The following SYT1 variants were observed in gnomAD, a reference collection of about 807,000 sequenced individuals.
SYT1 encodes synaptotagmin 1, also known as synaptotagmin-1.
SYT1 carries 8 observed loss-of-function variants against 44.8 expected under a neutral mutation model. The observed-to-expected ratio is 0.18, with a 90% CI of 0.10 to 0.32. SYT1 has a LOEUF of 0.32. Ranked by LOEUF, SYT1 falls within the 10% of genes least tolerant of loss-of-function variation. The pLI is 1.00. For synonymous variants in SYT1, 154 were observed against 188.8 expected (o/e 0.82, Z 1.51); for missense variants, 286 against 509.3 (o/e 0.56, Z 4.22).
chr12:79,302,035 C>T (rs1880177574), intron 8 of SYT1, among the ~76,000 whole-genome samples: 1 of 152,152 alleles, frequency 6.6e-6, no homozygotes, highest in South Asian at 2.1e-4. Flanking sequence ...GATATCTGCT[C>T]TAACTTTTCA....
intron 2 of SYT1, among the ~76,000 whole-genome samples, chr12:78,988,344 T>G (rs1869796069): frequency 6.7e-6 from 1 of 149,640 alleles, no homozygotes; most frequent in Non-Finnish European, 1.5e-5. Flanking sequence ...TCAAGATACA[T>G]AGATATCTTG....
rs1565871302 is a variant in SYT1, at chr12:79,242,513, C to T, written c.166+24828C>T. On this transcript the variant is annotated intron_variant, in intron 4 of 10. Transcript: ENST00000261205. ...TAGCCACCATTGGCTGAGTATGCAC[C>T]TAGTAATATACAGAAAGAAATTAAG... Among the ~76,000 whole-genome samples, 5 of 152,196 alleles carry T rather than the reference C, an allele frequency of 3.3e-5. No homozygotes were observed. In the South Asian group the frequency reaches 8.3e-4, roughly 25 times the overall value.
intron 3 of SYT1, among the ~76,000 whole-genome samples, chr12:79,051,992 G>C (rs1477367193): frequency 6.6e-6 from 1 of 152,044 alleles, no homozygotes; most frequent in Non-Finnish European, 1.5e-5. Context: ...TTTGGCTTAG[G>C]ATTGACTTGG....
intron 4 of SYT1, among the ~76,000 whole-genome samples, chr12:79,243,890 CAGGAAGGA>C (rs747503299): frequency 3.4e-5 from 5 of 148,602 alleles, no homozygotes; most frequent in Admixed American, 1.3e-4. Flanking sequence ...GGAAGGAAGG[CAGGAAGGA>C]AGGAAGGAAG....
At chr12:79,348,842 A>G (rs1882718953) in intron 8 of SYT1, among the ~76,000 whole-genome samples, 1 of 151,294 alleles carries the variant, frequency 6.6e-6, no homozygotes, top group African/African-American at 2.4e-5. Context: ...TGGTGCTCAT[A>G]TTGACATGGA....
chr12:79,123,265 C>T (rs1175809480), intron 3 of SYT1, among the ~76,000 whole-genome samples: 1 of 150,784 alleles, frequency 6.6e-6, no homozygotes, highest in Non-Finnish European at 1.5e-5. Context: ...ATCAATGGGT[C>T]CAGTACTCGG....
At chr12:79,192,912 A>G (rs1198962539) in intron 3 of SYT1, among the ~76,000 whole-genome samples, 1 of 152,126 alleles carries the variant, frequency 6.6e-6, no homozygotes, top group Non-Finnish European at 1.5e-5. Flanking sequence ...GCTTCTCACA[A>G]ATGGATTCTC....
chr12:79,188,482 G>C (rs1017377401), intron 3 of SYT1, among the ~76,000 whole-genome samples: 3 of 152,114 alleles, frequency 2.0e-5, no homozygotes, highest in Non-Finnish European at 4.4e-5. Flanking sequence ...TCAGGACTTA[G>C]ATTGTTTTCA....
chr12:79,010,058 G>A (rs1367461717), intron 2 of SYT1, among the ~76,000 whole-genome samples: 1 of 152,002 alleles, frequency 6.6e-6, no homozygotes, highest in African/African-American at 2.4e-5. Context: ...GGTTTTATGG[G>A]TTTCTTGTTA....
At chr12:78,997,847 G>C (rs1870481916) in intron 2 of SYT1, among the ~76,000 whole-genome samples, 1 of 152,112 alleles carries the variant, frequency 6.6e-6, no homozygotes, top group Non-Finnish European at 1.5e-5. Flanking sequence ...GAGAACCACT[G>C]CTTCAAGGAA....
At chr12:78,987,531 C>T (rs1011375136) in intron 2 of SYT1, among the ~76,000 whole-genome samples, 1 of 152,090 alleles carries the variant, frequency 6.6e-6, no homozygotes, top group East Asian at 1.9e-4. Context: ...ACATCCTTAT[C>T]CCAGACAGGA....
intron 9 of SYT1, among the ~76,000 whole-genome samples, chr12:79,432,387 C>T (rs1043611683): frequency 3.3e-5 from 5 of 151,738 alleles, no homozygotes; most frequent in African/African-American, 1.2e-4. Flanking sequence ...CAAGAGGCCC[C>T]GGTGTGTGAT....
chr12:79,137,856 G>T (rs554603068), intron 3 of SYT1, among the ~76,000 whole-genome samples: 2 of 152,176 alleles, frequency 1.3e-5, no homozygotes, highest in African/African-American at 4.8e-5. Flanking sequence ...GCCTGCTTTT[G>T]TATTGACAGT....
chr12:79,245,273 G>A (rs964339100), intron 4 of SYT1, among the ~76,000 whole-genome samples: 3 of 144,912 alleles, frequency 2.1e-5, no homozygotes, highest in African/African-American at 7.8e-5. Context: ...TGACCATCCT[G>A]GCTAACACAC....
intron 9 of SYT1, among the ~76,000 whole-genome samples, chr12:79,425,208 C>T (rs1314402622): frequency 1.3e-5 from 2 of 152,012 alleles, no homozygotes; most frequent in Admixed American, 6.6e-5. Flanking sequence ...ACTGTCACTT[C>T]TTCTAAGGTA....
At chr12:79,065,284 T>C (rs1875756152) in intron 3 of SYT1, among the ~76,000 whole-genome samples, 1 of 152,066 alleles carries the variant, frequency 6.6e-6, no homozygotes, top group Admixed American at 6.6e-5. Flanking sequence ...CTAGGGAAGC[T>C]GAAGTGGGAG....
At chr12:78,942,128 A>G (rs1278295311) in intron 1 of SYT1, among the ~76,000 whole-genome samples, 1 of 152,226 alleles carries the variant, frequency 6.6e-6, no homozygotes, top group Non-Finnish European at 1.5e-5. Flanking sequence ...AGGTCCAAAG[A>G]AAAGAATTAA....
At chr12:79,162,704 C>T (rs1489070564) in intron 3 of SYT1, among the ~76,000 whole-genome samples, 3 of 152,118 alleles carry the variant, frequency 2.0e-5, no homozygotes, top group African/African-American at 2.4e-5. Flanking sequence ...TATTTTTTCA[C>T]ATTAACTGCC....
intron 1 of SYT1, among the ~76,000 whole-genome samples, chr12:78,955,753 A>T (rs1384665835): frequency 6.7e-6 from 1 of 150,036 alleles, no homozygotes; most frequent in Non-Finnish European, 1.5e-5. Context: ...TTTGCCCTTA[A>T]CCTAACAGTT....
Sources: allele counts gnomAD v4.1 joint callset (sites outside exome capture counted in the v4.1 genomes callset), GRCh38; gene constraint gnomAD v4.1.1; transcripts MANE v1.5; gene names NCBI Gene and HGNC (gene_info 2026-07-23, HGNC 2026-07-21).